Variants in MYO9B observed in about 807,000 individuals in gnomAD.
MYO9B encodes the protein unconventional myosin-IXb.
Under a neutral mutation model 229.5 loss-of-function variants are expected in MYO9B, and 71 were observed. The observed-to-expected ratio is 0.31, with a 90% CI of 0.26 to 0.38. MYO9B has a LOEUF of 0.38. MYO9B is among the 10% of genes least tolerant of loss of function. The pLI, the probability that MYO9B is intolerant of heterozygous loss-of-function variation, is 1.00. For synonymous variants in MYO9B, 1,185 were observed against 1,235.8 expected (o/e 0.96, Z 0.86); for missense variants, 2,255 against 2,920.5 (o/e 0.77, Z 5.25).
intron 7 of MYO9B, 138 bp downstream of exon 7, chr19:17,157,176 C>G: frequency 9.2e-7 from 1 of 1,083,648 alleles, no homozygotes; most frequent in Non-Finnish European, 1.3e-6. Context: ...CCGCTATCAT[C>G]TCTACAGTGT....
At chr19:17,203,080 ATCCACCAGTGGCTGGGGAGGGCTGCCT>A in intron 29 of MYO9B, 40 bp from the exon 30 acceptor site, 1 of 1,439,942 alleles carries the variant, frequency 6.9e-7, no homozygotes, top group South Asian at 1.3e-5. Flanking sequence ...ATGGGTCGTC[ATCCACCAGTGGCTGGGGAGGGCTGCCT>A]TCCCCTTTCC....
chr19:17,076,930 G>A lies in MYO9B; in HGVS notation c.-59+1056G>A, dbSNP rs949287609. 2.0e-5 allele frequency among the ~76,000 whole-genome samples: 3 copies of A among 152,226 alleles called. No individual in the cohort carries two copies. In the East Asian group the frequency reaches 5.8e-4, roughly 29 times the overall value. ...TCTGAGCTCAGCCCTGGAGAGGCAC[G>A]ACAGCCACGAGCCCTCCTTTCTTTC... On this transcript the variant is annotated intron_variant, in intron 1 of 39. Transcript: ENST00000682292.
chr19:17,212,425 A>T lies in MYO9B; in HGVS notation c.*115A>T, dbSNP rs1278528239. The T allele has an allele frequency of 1.6e-6, 2 of 1,279,226 alleles. No individual in the cohort carries two copies. Among genetic ancestry groups the T allele is most frequent in the East Asian group, 5.5e-5 (2 of 36,058 alleles). The allele number at this position is 1,279,226 out of a possible 1,614,324, so 79.2% of individuals were successfully genotyped here. A position where few individuals can be genotyped will look rare whatever the true frequency, so the allele number is the denominator to read the frequency against. ...GAGAAGGATCCAGAATCAAAAGCTC[A>T]AGAGTGACGTGAGGTGGGCACCGGC... On this transcript the variant is annotated 3_prime_UTR_variant, in exon 40 of 40. Coordinates refer to ENST00000682292, the MANE Select transcript of MYO9B (RefSeq NM_004145.4). The surrounding 1 kb of genome is among the most constrained non-coding windows in gnomAD (Gnocchi z 5.4).
At chr19:17,083,645 CTT>C (rs5827358) in intron 1 of MYO9B, among the ~76,000 whole-genome samples, 190 of 121,168 alleles carry the variant, frequency 1.6e-3, no homozygotes, top group African/African-American at 2.1e-3. Context: ...ATGCTGCCCT[CTT>C]TTTTTTTTTT....
In MYO9B at chr19:17,193,056, G is replaced by A. The variant is rs866552915; in HGVS notation, c.3122G>A (p.Arg1041His). The A allele has an allele frequency of 7.6e-6, 11 of 1,456,224 alleles. No individual in the cohort carries two copies. In the East Asian group the frequency reaches 1.5e-4, roughly 20 times the overall value. 90.2% of individuals were successfully genotyped at this position (1,456,224 alleles called of 1,614,324 possible). A position where few individuals can be genotyped will look rare whatever the true frequency, so the allele number is the denominator to read the frequency against. Residue 1041 changes from arginine to histidine, a missense_variant, in exon 21 of 40, where the codon CGC (arginine) becomes CAC (histidine). Arg to His is a conservative substitution (Grantham distance 29, BLOSUM62 0). Coordinates refer to ENST00000682292, the MANE Select transcript of MYO9B (RefSeq NM_004145.4). The surrounding 1 kb of genome is among the most constrained non-coding windows in gnomAD (Gnocchi z 4.3). Reference protein sequence around the residue: ...LQSLCRGHLQRKSFSQMISEK... With the variant: ...LQSLCRGHLQHKSFSQMISEK... Reference sequence around the variant, plus strand: ...AGCCTGTGTCGGGGGCACCTGCAGCGCAAGAGGTGAGCAGAGCCGGGCCAC... The same window carrying A: ...AGCCTGTGTCGGGGGCACCTGCAGCACAAGAGGTGAGCAGAGCCGGGCCAC...
chr19:17,092,272 C>T (rs2057645197), intron 1 of MYO9B, among the ~76,000 whole-genome samples: 1 of 152,216 alleles, frequency 6.6e-6, no homozygotes, highest in African/African-American at 2.4e-5. Context: ...CAAAGCCCGC[C>T]AGCTGGGAGC....
intron 11 of MYO9B, among the ~76,000 whole-genome samples, chr19:17,169,081 T>G (rs181875807): frequency 2.2e-4 from 34 of 152,112 alleles, no homozygotes; most frequent in Admixed American, 3.3e-4. Context: ...CACAGAAAGA[T>G]TCCACCTCGG....
chr19:17,099,485 G>A (rs1201364530), intron 1 of MYO9B, among the ~76,000 whole-genome samples: 2 of 152,120 alleles, frequency 1.3e-5, no homozygotes, highest in Non-Finnish European at 2.9e-5. Context: ...GCTCACTCCT[G>A]TAATCCTAGC....
chr19:17,133,012 A>C (rs1568266500), intron 2 of MYO9B, among the ~76,000 whole-genome samples: 2 of 151,606 alleles, frequency 1.3e-5, no homozygotes, highest in African/African-American at 4.8e-5. Flanking sequence ...ACGCCCGGCT[A>C]ATTTTTTGTA....
intron 37 of MYO9B, 96 bp downstream of exon 37, chr19:17,210,476 G>A (rs925591439): frequency 1.2e-5 from 17 of 1,417,166 alleles, no homozygotes; most frequent in Non-Finnish European, 1.6e-5. Flanking sequence ...GATAGACAGA[G>A]CCTGTCCTAA....
intron 2 of MYO9B, among the ~76,000 whole-genome samples, chr19:17,129,902 A>T (rs1171057694): frequency 6.6e-6 from 1 of 151,994 alleles, no homozygotes; most frequent in Non-Finnish European, 1.5e-5. Context: ...TGTAGCCTCG[A>T]CCTCCTGGAC....
chr19:17,097,247 A>G (rs1400137015), intron 1 of MYO9B, among the ~76,000 whole-genome samples: 2 of 151,742 alleles, frequency 1.3e-5, no homozygotes, highest in African/African-American at 4.8e-5. Flanking sequence ...GTTCAGCCCA[A>G]CAGGCGGAGG....
At chr19:17,091,476 G>A (rs2057637707) in intron 1 of MYO9B, among the ~76,000 whole-genome samples, 1 of 152,240 alleles carries the variant, frequency 6.6e-6, no homozygotes, top group Admixed American at 6.5e-5. Context: ...GGAGGCCGAG[G>A]TAGGAGGGTC....
chr19:17,172,906 A>C lies in MYO9B; in HGVS notation c.2083A>C (p.Met695Leu), dbSNP rs747396546. 1 of 1,601,740 alleles carries C rather than the reference A, an allele frequency of 6.2e-7. No homozygotes were observed. Among genetic ancestry groups the C allele is most frequent in the Non-Finnish European group, 8.5e-7 (1 of 1,179,692 alleles). The change falls in exon 13 of 40, where the codon ATG becomes CTG. Residue 695 changes from methionine (M) to leucine (L), a missense_variant. Physicochemically the swap from Met to Leu is conservative, Grantham distance 15. Coordinates refer to ENST00000682292, the MANE Select transcript of MYO9B (RefSeq NM_004145.4). This position sits in a 1 kb window ranked among gnomAD's most constrained non-coding sequence, Gnocchi z 8.2. ...WAVLRAAIRA[M>L]AVLREAGRLR... ...CGTGCTCCGGGCTGCTATCCGGGCC[A>C]TGGCAGTGCTTCGGGAGGCCGGACG...
At chr19:17,161,480 T>A (rs2072601353) in intron 8 of MYO9B, among the ~76,000 whole-genome samples, 1 of 151,346 alleles carries the variant, frequency 6.6e-6, no homozygotes, top group South Asian at 2.1e-4. Context: ...GGAGTTAGAG[T>A]CCAGCCTTGG....
intron 11 of MYO9B, among the ~76,000 whole-genome samples, chr19:17,168,373 C>A (rs577275142): frequency 6.6e-6 from 1 of 152,120 alleles, no homozygotes; most frequent in Non-Finnish European, 1.5e-5. Flanking sequence ...GTCATGTTTT[C>A]CAGGCTGGTC....
intron 14 of MYO9B, among the ~76,000 whole-genome samples, chr19:17,177,286 G>GT (rs796290437): frequency 0.1 from 13,889 of 132,694 alleles, 1,133 homozygotes; most frequent in African/African-American, 0.23. Context: ...TTGTTTGTTG[G>GT]TTTTTTTTTT....
Position 17,180,935 on chromosome 19 carries a change from A to T in MYO9B, c.2228A>T (p.His743Leu), listed in dbSNP as rs1346303616. The change falls in exon 15 of 40, where the codon CAT becomes CTT. Residue 743 changes from histidine to leucine, a missense_variant. His to Leu is a moderately conservative substitution (Grantham distance 99). Coordinates refer to ENST00000682292, the MANE Select transcript of MYO9B (RefSeq NM_004145.4). Reference protein sequence around the residue: ...TPSEKLYRDLHNQMIKSIKGL... With the variant: ...TPSEKLYRDLLNQMIKSIKGL... ...TCCACCCCTCCCCTCAGCGATTTGC[A>T]TAACCAAATGATCAAGAGCATCAAA... 6.2e-7 allele frequency: 1 copy of T among 1,606,350 alleles called. No individual in the cohort carries two copies. Among genetic ancestry groups the T allele is most frequent in the Non-Finnish European group, 8.5e-7 (1 of 1,176,594 alleles).
At chr19:17,080,095 C>A (rs983851807) in intron 1 of MYO9B, among the ~76,000 whole-genome samples, 1 of 152,168 alleles carries the variant, frequency 6.6e-6, no homozygotes, top group Non-Finnish European at 1.5e-5. Context: ...AGTAGTGATT[C>A]AAGGGTTCAG....
Sources: allele counts gnomAD v4.1 joint callset (sites outside exome capture counted in the v4.1 genomes callset), GRCh38; gene constraint gnomAD v4.1.1; non-coding constraint Gnocchi (gnomAD v3.1); transcripts MANE v1.5; gene names NCBI Gene and HGNC (gene_info 2026-07-23, HGNC 2026-07-21).